SCFD2: variants seen among roughly 807,000 people sequenced by gnomAD.
SCFD2 encodes the protein sec1 family domain-containing protein 2.
Under a neutral mutation model 58.9 loss-of-function variants are expected in SCFD2, and 54 were observed. That is an observed-to-expected ratio of 0.92 (90% confidence interval 0.74 to 1.15). The LOEUF (loss-of-function observed/expected upper bound fraction) is 1.15, where lower values mean the gene tolerates loss of function less well. SCFD2 is among the 50% of genes most tolerant of loss of function. The pLI, the probability that SCFD2 is intolerant of heterozygous loss-of-function variation, is 0.00. For missense variants in SCFD2, 805 were observed against 836.6 expected (o/e 0.96, Z 0.47); for synonymous variants, 321 against 335.9 (o/e 0.96, Z 0.49).
At chr4:52,894,540 G>T (rs113186133) in intron 7 of SCFD2, among the ~76,000 whole-genome samples, 1 of 152,166 alleles carries the variant, frequency 6.6e-6, no homozygotes, top group Non-Finnish European at 1.5e-5. Context: ...TGATTTATTT[G>T]TTAGATCATT....
At chr4:53,335,834 G>A (rs1733667688) in intron 2 of SCFD2, among the ~76,000 whole-genome samples, 1 of 152,148 alleles carries the variant, frequency 6.6e-6, no homozygotes, top group Non-Finnish European at 1.5e-5. Flanking sequence ...CTAAGTAAAT[G>A]TAAAGAGGAA....
intron 4 of SCFD2, among the ~76,000 whole-genome samples, chr4:53,212,380 C>G (rs1257125980): frequency 6.6e-6 from 1 of 151,866 alleles, no homozygotes; most frequent in African/African-American, 2.4e-5. Flanking sequence ...AATCAATTAC[C>G]TAGTCAGCAG....
At chr4:53,287,584 G>C (rs891268031) in intron 3 of SCFD2, among the ~76,000 whole-genome samples, 8 of 152,100 alleles carry the variant, frequency 5.3e-5, no homozygotes, top group African/African-American at 1.9e-4. Flanking sequence ...ACCTGCAGGT[G>C]AAAGTCTCTC....
intron 5 of SCFD2, among the ~76,000 whole-genome samples, chr4:52,990,374 C>T (rs1045315661): frequency 5.3e-5 from 8 of 152,184 alleles, no homozygotes; most frequent in Admixed American, 5.2e-4. Flanking sequence ...TAGAAATTTA[C>T]AATGTGTCAG....
At chr4:53,248,340 T>C (rs1730191882) in intron 4 of SCFD2, among the ~76,000 whole-genome samples, 2 of 152,028 alleles carry the variant, frequency 1.3e-5, no homozygotes. Context: ...GCAGCGAGGA[T>C]GGGGGAGGGG....
chr4:53,218,895 G>T (rs188374044), intron 4 of SCFD2, among the ~76,000 whole-genome samples: 1 of 152,208 alleles, frequency 6.6e-6, no homozygotes, highest in Non-Finnish European at 1.5e-5. Context: ...GAGTTTGCTG[G>T]ATGTCCACTC....
chr4:53,168,237 T>G (rs1727072177), intron 4 of SCFD2, among the ~76,000 whole-genome samples: 1 of 152,186 alleles, frequency 6.6e-6, no homozygotes, highest in Admixed American at 6.5e-5. Flanking sequence ...GAATCTGCAA[T>G]TCATCTGTTC....
intron 5 of SCFD2, among the ~76,000 whole-genome samples, chr4:53,002,273 T>C (rs773526924): frequency 6.6e-6 from 1 of 152,124 alleles, no homozygotes; most frequent in African/African-American, 2.4e-5. Flanking sequence ...TAGTGGTAAG[T>C]AGCTGGATTT....
intron 4 of SCFD2, among the ~76,000 whole-genome samples, chr4:53,171,460 G>T (rs2148936911): frequency 6.6e-6 from 1 of 152,304 alleles, no homozygotes; most frequent in East Asian, 1.9e-4. Flanking sequence ...GTTCAACAGA[G>T]ATATCAACCT....
At chr4:52,996,714 C>A (rs990794071) in intron 5 of SCFD2, among the ~76,000 whole-genome samples, 1 of 152,184 alleles carries the variant, frequency 6.6e-6, no homozygotes, top group African/African-American at 2.4e-5. Context: ...TTCTCCTGAC[C>A]CTCACAGCAA....
intron 5 of SCFD2, among the ~76,000 whole-genome samples, chr4:52,985,299 CAGTTTTAGG>C (rs1721463096): frequency 6.6e-6 from 1 of 152,178 alleles, no homozygotes; most frequent in Non-Finnish European, 1.5e-5. Context: ...CTTCTGAGTA[CAGTTTTAGG>C]ACCTTTCTGC....
At chr4:52,897,159 G>T (rs567747576) in intron 7 of SCFD2, among the ~76,000 whole-genome samples, 8 of 152,106 alleles carry the variant, frequency 5.3e-5, no homozygotes, top group Non-Finnish European at 1.0e-4. Context: ...TCCTTCTCCT[G>T]CCTGATTGCC....
chr4:53,107,292 T>C (rs1475945993), intron 5 of SCFD2, among the ~76,000 whole-genome samples: 2 of 152,272 alleles, frequency 1.3e-5, no homozygotes, highest in East Asian at 3.9e-4. Context: ...GTAAACACCA[T>C]TGACACTATG....
chr4:53,319,282 G>A (rs1226652515), intron 2 of SCFD2, among the ~76,000 whole-genome samples: 1 of 152,098 alleles, frequency 6.6e-6, no homozygotes, highest in Admixed American at 6.5e-5. Flanking sequence ...CCCCTTGTGG[G>A]TCAAAATTAG....
intron 5 of SCFD2, chr4:52,956,541 TCTC>T (rs1416818122): frequency 4.0e-6 from 1 of 249,816 alleles, no homozygotes; most frequent in Non-Finnish European, 8.0e-6. Flanking sequence ...TCAGTTTAAT[TCTC>T]CTGCAGATTG....
chr4:53,254,576 T>TG (rs1730525971), intron 4 of SCFD2, among the ~76,000 whole-genome samples: 1 of 151,324 alleles, frequency 6.6e-6, no homozygotes, highest in African/African-American at 2.4e-5. Flanking sequence ...TGACCTCAGG[T>TG]GATCCACCCA....
chr4:53,270,720 A>G (rs1414844656), intron 4 of SCFD2, among the ~76,000 whole-genome samples: 1 of 152,214 alleles, frequency 6.6e-6, no homozygotes, highest in Non-Finnish European at 1.5e-5. Flanking sequence ...AACAATAAAC[A>G]TCTGGAAAAC....
intron 5 of SCFD2, among the ~76,000 whole-genome samples, chr4:53,053,008 G>A (rs942487090): frequency 5.3e-5 from 8 of 152,050 alleles, no homozygotes; most frequent in East Asian, 1.9e-4. Flanking sequence ...GATCACTTGC[G>A]GTCAGGAGTT....
intron 3 of SCFD2, among the ~76,000 whole-genome samples, chr4:53,313,405 T>A (rs1732751039): frequency 1.3e-5 from 2 of 152,244 alleles, no homozygotes; most frequent in Non-Finnish European, 2.9e-5. Context: ...AAAATAATTA[T>A]TCTTTGTAAG....
Sources: allele counts gnomAD v4.1 joint callset (sites outside exome capture counted in the v4.1 genomes callset), GRCh38; gene constraint gnomAD v4.1.1; transcripts MANE v1.5; gene names NCBI Gene and HGNC (gene_info 2026-07-23, HGNC 2026-07-21).